GABRB1: variants seen among roughly 807,000 people sequenced by gnomAD.
The protein encoded by GABRB1 is gamma-aminobutyric acid type A receptor subunit beta1.
Under a neutral mutation model 51.6 loss-of-function variants are expected in GABRB1, and 17 were observed. The ratio of observed to expected loss-of-function variants is 0.33; its 90% CI spans 0.23 to 0.49. The LOEUF is 0.49. GABRB1 is among the 20% of genes least tolerant of loss of function. GABRB1 has a pLI of 0.99. For synonymous variants in GABRB1, 247 were observed against 218.9 expected, an observed-to-expected ratio of 1.13 and a Z score of -1.14; for missense variants, 410 against 600.6, an observed-to-expected ratio of 0.68 and a Z score of 3.32.
intron 5 of GABRB1, among the ~76,000 whole-genome samples, chr4:47,364,078 C>T (rs1381486562): frequency 6.6e-6 from 1 of 152,164 alleles, no homozygotes; most frequent in Admixed American, 6.5e-5. Context: ...TCTAAATTCA[C>T]ACAATAAAAA....
intron 3 of GABRB1, among the ~76,000 whole-genome samples, chr4:47,120,780 G>T (rs1715741662): frequency 6.6e-6 from 1 of 152,146 alleles, no homozygotes; most frequent in Non-Finnish European, 1.5e-5. Flanking sequence ...CAGGAGCTAG[G>T]GTCTGCAGTG....
At chr4:47,411,233 C>T (rs1728751053) in intron 8 of GABRB1, among the ~76,000 whole-genome samples, 1 of 152,054 alleles carries the variant, frequency 6.6e-6, no homozygotes, top group Non-Finnish European at 1.5e-5. Context: ...TAGCCCAAAA[C>T]TGGAAACAGC....
chr4:47,023,651 G>A (rs1469601278), intron 1 of GABRB1, among the ~76,000 whole-genome samples: 3 of 152,046 alleles, frequency 2.0e-5, no homozygotes, highest in Admixed American at 2.0e-4. Context: ...AATAATAGAT[G>A]AAAATGGTTA....
intron 4 of GABRB1, among the ~76,000 whole-genome samples, chr4:47,233,952 G>A (rs573115366): frequency 1.3e-5 from 2 of 152,186 alleles, no homozygotes; most frequent in East Asian, 3.9e-4. Context: ...GTTTTTCCCT[G>A]AAACAGTCAC....
chr4:47,107,439 A>T (rs917404586), intron 3 of GABRB1, among the ~76,000 whole-genome samples: 8 of 151,830 alleles, frequency 5.3e-5, no homozygotes, highest in South Asian at 2.1e-4. Flanking sequence ...TTCAATATTG[A>T]TTTCACTCAT....
At chr4:47,359,080 T>C (rs1445514989) in intron 5 of GABRB1, among the ~76,000 whole-genome samples, 1 of 152,134 alleles carries the variant, frequency 6.6e-6, no homozygotes, top group Non-Finnish European at 1.5e-5. Flanking sequence ...AATTTCTCGG[T>C]ACTTAAACCC....
chr4:47,045,969 T>C (rs546566277), intron 3 of GABRB1, among the ~76,000 whole-genome samples: 1 of 152,196 alleles, frequency 6.6e-6, no homozygotes, highest in African/African-American at 2.4e-5. Context: ...ATAAACCCTA[T>C]GTGTTGTGGG....
chr4:47,325,157 C>T (rs1002992852), intron 5 of GABRB1, among the ~76,000 whole-genome samples: 2 of 152,180 alleles, frequency 1.3e-5, no homozygotes, highest in South Asian at 2.1e-4. Context: ...AATATTCAGG[C>T]CAGTTGCAGT....
intron 3 of GABRB1, among the ~76,000 whole-genome samples, chr4:47,091,846 A>G (rs1390903277): frequency 2.0e-5 from 3 of 151,922 alleles, no homozygotes; most frequent in Non-Finnish European, 4.4e-5. Context: ...CCTCCACCAC[A>G]CCGGCCTCCA....
chr4:47,404,593 T>A (rs1728507729), intron 7 of GABRB1, among the ~76,000 whole-genome samples: 2 of 152,012 alleles, frequency 1.3e-5, no homozygotes, highest in Non-Finnish European at 1.5e-5. Flanking sequence ...CTGGACTAGA[T>A]GATCAGCATA....
intron 1 of GABRB1, among the ~76,000 whole-genome samples, chr4:46,995,638 A>G (rs1179902087): frequency 1.3e-5 from 2 of 152,158 alleles, no homozygotes; most frequent in Admixed American, 6.5e-5. Flanking sequence ...TGCTGGTATG[A>G]CAGATGTAAG....
intron 3 of GABRB1, among the ~76,000 whole-genome samples, chr4:47,057,097 T>G (rs199631501): frequency 6.6e-6 from 1 of 152,040 alleles, no homozygotes; most frequent in Non-Finnish European, 1.5e-5. Flanking sequence ...AGAGCAAGAC[T>G]CTGTCTCAAA....
intron 7 of GABRB1, among the ~76,000 whole-genome samples, chr4:47,403,944 T>A (rs568327562): frequency 2.6e-5 from 4 of 152,348 alleles, no homozygotes; most frequent in Admixed American, 1.3e-4. Context: ...GGAATATATC[T>A]AGCACTACTT....
chr4:47,201,097 A>T (rs1402542462), intron 4 of GABRB1, among the ~76,000 whole-genome samples: 1 of 152,190 alleles, frequency 6.6e-6, no homozygotes, highest in East Asian at 1.9e-4. Context: ...AACCTCCCTG[A>T]ACTGTGCAAT....
intron 3 of GABRB1, among the ~76,000 whole-genome samples, chr4:47,066,776 G>T (rs1221802854): frequency 1.3e-5 from 2 of 152,022 alleles, no homozygotes; most frequent in Non-Finnish European, 2.9e-5. Context: ...CATCCATGAG[G>T]GTTGGAATCA....
intron 3 of GABRB1, among the ~76,000 whole-genome samples, chr4:47,137,656 C>T (rs1025819113): frequency 6.6e-6 from 1 of 152,030 alleles, no homozygotes; most frequent in African/African-American, 2.4e-5. Context: ...ATTCCAATTC[C>T]AAAAACATAG....
chr4:47,076,578 C>A (rs1727558236), intron 3 of GABRB1, among the ~76,000 whole-genome samples: 1 of 152,044 alleles, frequency 6.6e-6, no homozygotes, highest in Non-Finnish European at 1.5e-5. Flanking sequence ...CTATTGTCTT[C>A]GGTTTAATGA....
At chr4:47,259,981 A>C (rs999115672) in intron 4 of GABRB1, among the ~76,000 whole-genome samples, 17 of 113,538 alleles carry the variant, frequency 1.5e-4, no homozygotes, top group Non-Finnish European at 2.5e-4. Context: ...GTAGGTCACT[A>C]AGGACTTGCT....
At chr4:47,051,543 T>G (rs1446329617) in intron 3 of GABRB1, among the ~76,000 whole-genome samples, 1 of 152,190 alleles carries the variant, frequency 6.6e-6, no homozygotes, top group African/African-American at 2.4e-5. Flanking sequence ...GCTTCTCCAC[T>G]TCCTCATAAA....
Sources: allele counts gnomAD v4.1 joint callset (sites outside exome capture counted in the v4.1 genomes callset), GRCh38; gene constraint gnomAD v4.1.1; transcripts MANE v1.5; gene names NCBI Gene and HGNC (gene_info 2026-07-23, HGNC 2026-07-21).